Variants in GALNT17 observed in about 807,000 individuals in gnomAD.
The protein encoded by GALNT17 is UDP-GalNAc:polypeptide N-acetylgalactosaminyltransferase-like 3.
GALNT17 carries 29 observed loss-of-function variants against 63.7 expected under a neutral mutation model. That is an observed-to-expected ratio of 0.46 (90% CI 0.34 to 0.62). The LOEUF (loss-of-function observed/expected upper bound fraction) is 0.62, where lower values mean the gene tolerates loss of function less well. Among genes scored for constraint, GALNT17 ranks in the 20% least tolerant of loss-of-function variants. The pLI is 0.01. For synonymous variants in GALNT17, 305 were observed against 318.3 expected, an observed-to-expected ratio of 0.96 and a Z score of 0.45; for missense variants, 603 against 799.6, an observed-to-expected ratio of 0.75 and a Z score of 2.97.
Position 71,132,690 on chromosome 7 carries a change from T to G in GALNT17, c.-113T>G. 1.1e-6 allele frequency: 1 copy of G among 886,386 alleles called. No individual in the cohort carries two copies. The highest frequency in any genetic ancestry group is 1.7e-6 in the Non-Finnish European group (1 of 595,354). 54.9% of individuals were successfully genotyped at this position (886,386 alleles called of 1,614,324 possible). ...CCTTGAGGTGGGACGAGCAGGGGCT[T>G]GGATCCCTGCCGGCCGTCTGGTGTG... On this transcript the variant is annotated 5_prime_UTR_variant, in exon 1 of 11. Transcript: ENST00000333538.
At chr7:71,486,824 T>C (rs536258434) in intron 5 of GALNT17, among the ~76,000 whole-genome samples, 74 of 151,638 alleles carry the variant, frequency 4.9e-4, no homozygotes, top group African/African-American at 1.7e-3. Flanking sequence ...AATGGTGCCA[T>C]TGCACTTCAA....
At chr7:71,227,541 A>C (rs1223234869) in intron 1 of GALNT17, among the ~76,000 whole-genome samples, 1 of 152,032 alleles carries the variant, frequency 6.6e-6, no homozygotes, top group Non-Finnish European at 1.5e-5. Context: ...GGGGTTTTTC[A>C]TAAGCCATGA....
In GALNT17 at chr7:71,516,669, T is replaced by C. The variant is rs558394214; in HGVS notation, c.963-54616T>C. Among the ~76,000 whole-genome samples, 4 of 152,244 alleles carry C rather than the reference T, an allele frequency of 2.6e-5. No homozygotes were observed. In the East Asian group the frequency reaches 7.7e-4, roughly 29 times the overall value. On this transcript the variant is annotated intron_variant, in intron 5 of 10. Coordinates refer to ENST00000333538, the MANE Select transcript of GALNT17 (RefSeq NM_022479.3). ...AACTTGCAGGGGTGATTTGAGTGAC[T>C]TGAGATCAGCCCAAGGGCTGGGCAG...
chr7:71,592,510 A>ATAAAATAAAATAAAG (rs1562703187), intron 6 of GALNT17, among the ~76,000 whole-genome samples: 2 of 72,060 alleles, frequency 2.8e-5, no homozygotes, highest in African/African-American at 9.8e-5. Context: ...ATAAAATAAA[A>ATAAAATAAAATAAAG]TAAAATAAAA....
intron 1 of GALNT17, among the ~76,000 whole-genome samples, chr7:71,194,070 G>C (rs1789001920): frequency 6.6e-6 from 1 of 152,100 alleles, no homozygotes; most frequent in Non-Finnish European, 1.5e-5. Context: ...TTTTGAGACA[G>C]GGTCTTGTTC....
At position 71,305,216 on chromosome 7, in the gene GALNT17, C is replaced by G. The variant is rs1025320843; in HGVS notation, c.239-30334C>G. 7.3e-4 allele frequency among the ~76,000 whole-genome samples: 91 copies of G among 124,852 alleles called. 1 individual carries two copies. Among genetic ancestry groups the G allele is most frequent in the African/African-American group, 2.7e-3 (85 of 31,818 alleles). The allele number at this position is 124,852 out of a possible 152,430, so 81.9% of individuals were successfully genotyped here. A position where few individuals can be genotyped will look rare whatever the true frequency, so the allele number is the denominator to read the frequency against. On this transcript the variant is annotated intron_variant, in intron 1 of 10. Coordinates refer to ENST00000333538, the MANE Select transcript of GALNT17 (RefSeq NM_022479.3). ...TATAATCCTATTTGGAGCAAAAATA[C>G]TTTGAGCACATGTTAATTTTGCTAG...
intron 5 of GALNT17, among the ~76,000 whole-genome samples, chr7:71,456,703 G>A (rs567102143): frequency 6.6e-6 from 1 of 152,222 alleles, no homozygotes; most frequent in African/African-American, 2.4e-5. Context: ...TCTGTAGAAA[G>A]GATCTAATGG....
At chr7:71,324,644 T>C (rs1448990545) in intron 1 of GALNT17, among the ~76,000 whole-genome samples, 1 of 152,068 alleles carries the variant, frequency 6.6e-6, no homozygotes, top group East Asian at 1.9e-4. Flanking sequence ...GGTGACAGAG[T>C]GAGACCTTGT....
intron 1 of GALNT17, among the ~76,000 whole-genome samples, chr7:71,213,605 AC>A (rs1789422052): frequency 6.6e-6 from 1 of 152,186 alleles, no homozygotes; most frequent in African/African-American, 2.4e-5. Context: ...AAATCTGTAT[AC>A]ATCCCTGAGA....
chr7:71,548,540 G>A (rs1789024584), intron 5 of GALNT17, among the ~76,000 whole-genome samples: 1 of 152,148 alleles, frequency 6.6e-6, no homozygotes, highest in Admixed American at 6.5e-5. Context: ...TCTTGATAGT[G>A]AATAAGTCTC....
intron 5 of GALNT17, among the ~76,000 whole-genome samples, chr7:71,430,052 G>T (rs1023465090): frequency 2.0e-5 from 3 of 151,940 alleles, no homozygotes; most frequent in Admixed American, 2.0e-4. Context: ...TTGCTATGTT[G>T]CCCAGGCTGG....
chr7:71,333,662 G>A (rs1314992460), intron 1 of GALNT17, among the ~76,000 whole-genome samples: 2 of 152,026 alleles, frequency 1.3e-5, no homozygotes, highest in Non-Finnish European at 2.9e-5. Context: ...CACCACACTC[G>A]GCTAATTTTT....
intron 6 of GALNT17, among the ~76,000 whole-genome samples, chr7:71,575,533 T>C (rs370422563): frequency 3.9e-5 from 6 of 152,034 alleles, no homozygotes; most frequent in East Asian, 1.9e-4. Flanking sequence ...GGACTACAGG[T>C]GCCTGCCACC....
At chr7:71,465,758 G>A (rs2116595234) in intron 5 of GALNT17, among the ~76,000 whole-genome samples, 1 of 152,316 alleles carries the variant, frequency 6.6e-6, no homozygotes, top group African/African-American at 2.4e-5. Context: ...CCACCAACGA[G>A]GTTCCGAAGC....
chr7:71,257,783 G>C lies in GALNT17; in HGVS notation c.239-77767G>C, dbSNP rs573929251. Among the ~76,000 whole-genome samples the C allele has an allele frequency of 2.3e-3, 353 of 152,244 alleles. 1 individual carries two copies. Among genetic ancestry groups the C allele is most frequent in the Non-Finnish European group, 4.0e-3 (272 of 68,026 alleles). On this transcript the variant is annotated intron_variant, in intron 1 of 10. Transcript: ENST00000333538. ...CCTAAGTTTGTCTTGTATGGATCCC[G>C]TGATGAGTTTTAGGGGCACTTGTAA...
At chr7:71,463,970 ACCT>A (rs59557367) in intron 5 of GALNT17, among the ~76,000 whole-genome samples, 2,018 of 152,100 alleles carry the variant, frequency 0.013, 38 homozygotes, top group African/African-American at 0.046. Flanking sequence ...AGGAGGCCTG[ACCT>A]CCTGGGAATG....
intron 5 of GALNT17, among the ~76,000 whole-genome samples, chr7:71,513,855 G>A (rs1788403882): frequency 6.6e-6 from 1 of 152,184 alleles, no homozygotes; most frequent in African/African-American, 2.4e-5. Flanking sequence ...GCTCTGTAGA[G>A]TGTAAGGTCT....
intron 1 of GALNT17, among the ~76,000 whole-genome samples, chr7:71,216,346 T>C (rs74595272): frequency 0.07 from 10,622 of 152,234 alleles, 740 homozygotes; most frequent in African/African-American, 0.18. Flanking sequence ...CTTTGTACTA[T>C]TAAGAAAGTA....
intron 5 of GALNT17, among the ~76,000 whole-genome samples, chr7:71,533,944 CAT>C (rs1349053186): frequency 1.8e-4 from 27 of 152,216 alleles, no homozygotes; most frequent in Non-Finnish European, 2.8e-4. Flanking sequence ...CTCTTTAAAT[CAT>C]GTGTGGCAAA....
Sources: gnomAD v4.1 joint callset for allele counts (sites outside exome capture counted in the v4.1 genomes callset) on GRCh38, gnomAD v4.1.1 for gene constraint, MANE v1.5 for transcripts, NCBI Gene and HGNC (gene_info 2026-07-23, HGNC 2026-07-21) for gene names.